Variants in NFIA observed in about 807,000 individuals in gnomAD.
The protein encoded by NFIA is nuclear factor I A.
NFIA carries 8 observed loss-of-function variants against 62.8 expected under a neutral mutation model. That is an observed-to-expected ratio of 0.13 (90% CI 0.07 to 0.23). NFIA has a LOEUF of 0.23. Among genes scored for constraint, NFIA ranks in the 10% least tolerant of loss-of-function variants. The pLI, the probability that NFIA is intolerant of heterozygous loss-of-function variation, is 1.00. For synonymous variants in NFIA, 235 were observed against 238.1 expected (o/e 0.99, Z 0.12); for missense variants, 410 against 642.1 (o/e 0.64, Z 3.91).
intron 2 of NFIA, among the ~76,000 whole-genome samples, chr1:61,141,486 C>T (rs1446818124): frequency 7.2e-5 from 11 of 152,190 alleles, no homozygotes; most frequent in South Asian, 4.2e-4. Flanking sequence ...TCCAATAACT[C>T]GATTGTTAAC....
In NFIA at chr1:61,225,629, G is replaced by A. The variant is rs75125175; in HGVS notation, c.560-51891G>A. Among the ~76,000 whole-genome samples the A allele has an allele frequency of 1.6e-3, 227 of 146,070 alleles. 2 individuals carry two copies. Among genetic ancestry groups the A allele is most frequent in the African/African-American group, 5.7e-3 (223 of 38,984 alleles). Reference sequence around the variant, plus strand: ...GAAATTTTATTTTGTATCACCAAAAGGAAGTTTGCTTGTTCGTATCTACGA... The same window carrying A: ...GAAATTTTATTTTGTATCACCAAAAAGAAGTTTGCTTGTTCGTATCTACGA... On this transcript the variant is annotated intron_variant, in intron 2 of 10. Coordinates refer to ENST00000403491, the MANE Select transcript of NFIA (RefSeq NM_001134673.4).
intron 6 of NFIA, among the ~76,000 whole-genome samples, chr1:61,370,225 G>A (rs1663814261): frequency 6.6e-6 from 1 of 152,204 alleles, no homozygotes; most frequent in Non-Finnish European, 1.5e-5. Context: ...TCCATCCAAG[G>A]ATTTTAGATA....
intron 2 of NFIA, among the ~76,000 whole-genome samples, chr1:61,094,499 G>T (rs192605143): frequency 6.6e-6 from 1 of 152,230 alleles, no homozygotes; most frequent in Non-Finnish European, 1.5e-5. Context: ...TTTAGGAAAA[G>T]GTTTTGCAAA....
chr1:61,107,608 G>A (rs1407590776), intron 2 of NFIA, among the ~76,000 whole-genome samples: 3 of 151,316 alleles, frequency 2.0e-5, no homozygotes, highest in Admixed American at 6.6e-5. Context: ...ATATATTTTC[G>A]TAGTTTCTGG....
In NFIA at chr1:61,223,399, A is replaced by G. The variant is rs527364552; in HGVS notation, c.560-54121A>G. 1.1e-4 allele frequency among the ~76,000 whole-genome samples: 16 copies of G among 152,168 alleles called. No homozygotes were observed. In the South Asian group the frequency reaches 2.9e-3, roughly 28 times the overall value. On this transcript the variant is annotated intron_variant, in intron 2 of 10. Coordinates refer to ENST00000403491, the MANE Select transcript of NFIA (RefSeq NM_001134673.4). The stretch of plus-strand genomic sequence containing the variant: ...TTAATGAAAGGTGTCACATGCAGCT[A>G]TGAGTAGAAGAACCTTTCCCTGTAC...
At chr1:61,090,213 A>G (rs1646296370) in intron 2 of NFIA, among the ~76,000 whole-genome samples, 1 of 152,222 alleles carries the variant, frequency 6.6e-6, no homozygotes, top group Admixed American at 6.5e-5. Context: ...TGTTAAGCAC[A>G]GCAAAACGCA....
intron 2 of NFIA, among the ~76,000 whole-genome samples, chr1:61,165,862 T>C (rs1044549198): frequency 6.6e-6 from 1 of 152,092 alleles, no homozygotes; most frequent in Non-Finnish European, 1.5e-5. Context: ...TTACAACATA[T>C]AATCCAATAC....
intron 9 of NFIA, among the ~76,000 whole-genome samples, chr1:61,423,595 C>T (rs1352230468): frequency 6.6e-6 from 1 of 151,968 alleles, no homozygotes; most frequent in African/African-American, 2.4e-5. Flanking sequence ...TAATTAATTA[C>T]CTTATTGCCC....
intron 6 of NFIA, among the ~76,000 whole-genome samples, chr1:61,362,262 G>T (rs1169213193): frequency 6.6e-6 from 1 of 152,050 alleles, no homozygotes; most frequent in East Asian, 1.9e-4. Flanking sequence ...GAGGCTTTTA[G>T]TAGTTCACAT....
At chr1:61,176,927 A>AC (rs1472606316) in intron 2 of NFIA, among the ~76,000 whole-genome samples, 5 of 151,954 alleles carry the variant, frequency 3.3e-5, no homozygotes, top group Middle Eastern at 3.2e-3. Context: ...ACACAGTGAA[A>AC]CCCCGTCTCT....
chr1:61,423,998 T>A (rs1293968695), intron 9 of NFIA, among the ~76,000 whole-genome samples: 1 of 150,574 alleles, frequency 6.6e-6, no homozygotes, highest in African/African-American at 2.4e-5. Context: ...TATATATGAA[T>A]ATATATATAT....
chr1:61,212,642 C>T (rs1653340235), intron 2 of NFIA, among the ~76,000 whole-genome samples: 1 of 151,980 alleles, frequency 6.6e-6, no homozygotes, highest in South Asian at 2.1e-4. Context: ...TGCAGTTGTC[C>T]TTATTGATAA....
At chr1:61,175,082 G>A (rs1650238202) in intron 2 of NFIA, among the ~76,000 whole-genome samples, 1 of 151,830 alleles carries the variant, frequency 6.6e-6, no homozygotes, top group Non-Finnish European at 1.5e-5. Context: ...TAACAGGCCA[G>A]GCACCAAAGC....
At chr1:61,447,822 C>T (rs548438586) in intron 10 of NFIA, among the ~76,000 whole-genome samples, 43 of 152,222 alleles carry the variant, frequency 2.8e-4, no homozygotes, top group African/African-American at 9.4e-4. Flanking sequence ...CTCCCAGAGT[C>T]GTGCTTCATT....
intron 2 of NFIA, among the ~76,000 whole-genome samples, chr1:61,218,962 T>TCAC (rs1428847639): frequency 2.0e-5 from 3 of 152,246 alleles, no homozygotes; most frequent in Non-Finnish European, 2.9e-5. Flanking sequence ...CCAGGCGTGG[T>TCAC]GGCTCACGCC....
At chr1:61,271,719 C>T (rs563174539) in intron 2 of NFIA, among the ~76,000 whole-genome samples, 5 of 152,172 alleles carry the variant, frequency 3.3e-5, no homozygotes, top group African/African-American at 1.2e-4. Flanking sequence ...CCCTGCACCC[C>T]GCCACAGCTC....
chr1:61,314,125 G>A (rs1441980031), intron 3 of NFIA, among the ~76,000 whole-genome samples: 1 of 152,050 alleles, frequency 6.6e-6, no homozygotes, highest in African/African-American at 2.4e-5. Context: ...TGCACTTCAC[G>A]TCACTAATCC....
chr1:61,397,358 A>G (rs1292079130), intron 7 of NFIA, among the ~76,000 whole-genome samples: 1 of 152,114 alleles, frequency 6.6e-6, no homozygotes, highest in Non-Finnish European at 1.5e-5. Context: ...CCCTCATGTC[A>G]TATCCATGCT....
At chr1:61,420,066 G>A (rs887978312) in intron 9 of NFIA, among the ~76,000 whole-genome samples, 2 of 152,260 alleles carry the variant, frequency 1.3e-5, no homozygotes, top group Middle Eastern at 3.4e-3. Flanking sequence ...CATCATGTGG[G>A]GGTTTCTAAA....
Sources: allele counts gnomAD v4.1 joint callset (sites outside exome capture counted in the v4.1 genomes callset), GRCh38; gene constraint gnomAD v4.1.1; transcripts MANE v1.5; gene names NCBI Gene and HGNC (gene_info 2026-07-23, HGNC 2026-07-21).